The following CSNK1G1 variants were observed in gnomAD, a reference collection of about 807,000 sequenced individuals.
The protein encoded by CSNK1G1 is casein kinase I isoform gamma-1.
Under a neutral mutation model 59.6 loss-of-function variants are expected in CSNK1G1, and 22 were observed. The ratio of observed to expected loss-of-function variants is 0.37; its 90% CI spans 0.26 to 0.53. The LOEUF (loss-of-function observed/expected upper bound fraction) is 0.53, where lower values mean the gene tolerates loss of function less well. Among genes scored for constraint, CSNK1G1 ranks in the 20% least tolerant of loss-of-function variants. CSNK1G1 has a pLI of 0.89. For missense variants in CSNK1G1, 384 were observed against 519.5 expected (o/e 0.74, Z 2.54); for synonymous variants, 179 against 177.1 (o/e 1.01, Z -0.08).
intron 1 of CSNK1G1, among the ~76,000 whole-genome samples, chr15:64,343,808 A>G (rs145421531): frequency 0.011 from 1,668 of 151,138 alleles, 26 homozygotes; most frequent in African/African-American, 0.038. Flanking sequence ...CTATATTACC[A>G]CAGCTCTAGT....
At position 64,300,688 on chromosome 15, in the gene CSNK1G1, T is replaced by C; in HGVS notation, c.-189A>G. The C allele has an allele frequency of 7.9e-7, 1 of 1,270,042 alleles. No individual in the cohort carries two copies. Among genetic ancestry groups the C allele is most frequent in the Non-Finnish European group, 9.9e-7 (1 of 1,007,776 alleles). The allele number at this position is 1,270,042 out of a possible 1,614,324, so 78.7% of individuals were successfully genotyped here. On this transcript the variant is annotated 5_prime_UTR_variant, in exon 2 of 12. Transcript: ENST00000303052. The stretch of plus-strand genomic sequence containing the variant: ...TTATTTGTTCCCGTAGGAAATGTAG[T>C]CACTAGGTCTCAATCTTAGGTGAAC...
At chr15:64,346,517 G>C (rs995340327) in intron 1 of CSNK1G1, among the ~76,000 whole-genome samples, 1 of 151,630 alleles carries the variant, frequency 6.6e-6, no homozygotes, top group African/African-American at 2.4e-5. Context: ...GAGTACAATG[G>C]TGCGATCTCA....
intron 2 of CSNK1G1, among the ~76,000 whole-genome samples, chr15:64,268,076 T>C (rs775725771): frequency 2.6e-5 from 4 of 152,166 alleles, no homozygotes; most frequent in Non-Finnish European, 5.9e-5. Flanking sequence ...ATAGCCAAGA[T>C]ATGAAATCAA....
intron 1 of CSNK1G1, among the ~76,000 whole-genome samples, chr15:64,322,180 A>G (rs1896600055): frequency 6.6e-6 from 1 of 152,056 alleles, no homozygotes; most frequent in Non-Finnish European, 1.5e-5. Flanking sequence ...TCTTATTGTA[A>G]CTTGAATCCT....
At chr15:64,326,251 C>A (rs908570477) in intron 1 of CSNK1G1, among the ~76,000 whole-genome samples, 25 of 152,180 alleles carry the variant, frequency 1.6e-4, no homozygotes, top group Non-Finnish European at 3.7e-4. Flanking sequence ...GTCTCGAACT[C>A]TTGGCCTCAA....
chr15:64,188,511 A>T lies in CSNK1G1; in HGVS notation c.1108-8057T>A. On this transcript the variant is annotated intron_variant, in intron 10 of 11. Coordinates refer to ENST00000303052, the MANE Select transcript of CSNK1G1 (RefSeq NM_022048.5). This position sits in a 1 kb window ranked among gnomAD's most constrained non-coding sequence, Gnocchi z 4.2. ...CTGCTTAGGCGTTAGAAAGCATGAG[A>T]GCAAGATATGGAAGGAAAGGTGAAG... is the stretch of plus-strand genomic sequence containing the variant. The T allele has an allele frequency of 6.7e-7, 1 of 1,492,938 alleles. No individual in the cohort carries two copies. Among genetic ancestry groups the T allele is most frequent in the African/African-American group, 1.4e-5 (1 of 72,270 alleles). The allele number at this position is 1,492,938 out of a possible 1,614,324, so 92.5% of individuals were successfully genotyped here. A position where few individuals can be genotyped will look rare whatever the true frequency, so the allele number is the denominator to read the frequency against.
Position 64,167,097 on chromosome 15 carries a change from TACTC to T in CSNK1G1, c.*4830_*4833del, listed in dbSNP as rs780623629. ...ACCACTGTGTATTATCCAGGGAACC[TACTC>T]ACTATTTTGAATACAATGAGAAAAC... On this transcript the variant is annotated 3_prime_UTR_variant, in exon 12 of 12. Transcript: ENST00000303052. 11 of 152,236 alleles carry T rather than the reference TACTC, an allele frequency of 7.2e-5. No homozygotes were observed. Among genetic ancestry groups the T allele is most frequent in the Non-Finnish European group, 1.3e-4 (9 of 68,026 alleles). The allele number at this position is 152,236 out of a possible 1,614,324, so 9.4% of individuals were successfully genotyped here.
chr15:64,305,831 C>T (rs1895659842), intron 1 of CSNK1G1, among the ~76,000 whole-genome samples: 1 of 146,598 alleles, frequency 6.8e-6, no homozygotes, highest in African/African-American at 2.5e-5. Context: ...GAAATAGATT[C>T]ACACAAATAT....
chr15:64,253,042 T>C (rs1167447255), intron 3 of CSNK1G1, among the ~76,000 whole-genome samples: 7 of 151,934 alleles, frequency 4.6e-5, no homozygotes, highest in Non-Finnish European at 8.8e-5. Context: ...ACCTCATCTT[T>C]ACAAATAAAT....
chr15:64,314,300 A>G (rs1279902018), intron 1 of CSNK1G1, among the ~76,000 whole-genome samples: 1 of 152,114 alleles, frequency 6.6e-6, no homozygotes, highest in African/African-American at 2.4e-5. Flanking sequence ...TTTTAGATAG[A>G]GGGGTGGGAA....
At chr15:64,254,511 C>T (rs933157354) in intron 3 of CSNK1G1, among the ~76,000 whole-genome samples, 1 of 151,962 alleles carries the variant, frequency 6.6e-6, no homozygotes, top group Non-Finnish European at 1.5e-5. Context: ...ACCACCACAC[C>T]TGGCTAATTT....
intron 1 of CSNK1G1, among the ~76,000 whole-genome samples, chr15:64,322,923 C>T (rs1020644468): frequency 6.6e-6 from 1 of 151,480 alleles, no homozygotes; most frequent in Non-Finnish European, 1.5e-5. Flanking sequence ...TTACATTCCT[C>T]GTTTTGTTTT....
intron 4 of CSNK1G1, among the ~76,000 whole-genome samples, chr15:64,248,018 T>G (rs1417965981): frequency 6.6e-6 from 1 of 152,240 alleles, no homozygotes; most frequent in Non-Finnish European, 1.5e-5. Flanking sequence ...TAATGAACAA[T>G]GACAGACAAA....
rs755697593 is a variant in CSNK1G1, at chr15:64,210,086, G to A, written c.680-2492C>T. ...AGAACTATAGAATATGGGACAATAGGAAAAATAAGGGTTCCTAAATCAGGA... is the reference window on the plus strand; with the variant it reads ...AGAACTATAGAATATGGGACAATAGAAAAAATAAGGGTTCCTAAATCAGGA... On this transcript the variant is annotated intron_variant, in intron 6 of 11. Coordinates refer to ENST00000303052, the MANE Select transcript of CSNK1G1 (RefSeq NM_022048.5). The surrounding 1 kb of genome is among the most constrained non-coding windows in gnomAD (Gnocchi z 4.2). 4.5e-4 allele frequency among the ~76,000 whole-genome samples: 69 copies of A among 152,012 alleles called. No homozygotes were observed. Among genetic ancestry groups the A allele is most frequent in the Non-Finnish European group, 8.7e-4 (59 of 67,986 alleles).
chr15:64,204,537 T>G lies in CSNK1G1; in HGVS notation c.903A>C (p.Lys301Asn). The G allele has an allele frequency of 1.2e-6, 2 of 1,613,702 alleles. No homozygotes were observed. Among genetic ancestry groups the G allele is most frequent in the South Asian group, 1.1e-5 (1 of 91,056 alleles). The change falls in exon 9 of 12, where the codon AAA (lysine) becomes AAC (asparagine). Residue 301 changes from lysine to asparagine, a missense_variant. Lys to Asn is a moderately conservative substitution (Grantham distance 94). Around this residue, in one of 3 missense-constraint regions of CSNK1G1, gnomAD observed 325 missense variants for 440.9 expected, o/e 0.74. Transcript: ENST00000303052. Reference protein sequence around the residue: ...RYVRRLDFFEKPDYEYLRTLF... With the variant: ...RYVRRLDFFENPDYEYLRTLF... ...GGGTCCGTAAATACTCATAATCAGG[T>G]TTTTCAAAGAAGTCCAGTCGCCTGA...
chr15:64,351,860 C>T (rs938110958), intron 1 of CSNK1G1, among the ~76,000 whole-genome samples: 8 of 152,062 alleles, frequency 5.3e-5, no homozygotes, highest in Non-Finnish European at 8.8e-5. Flanking sequence ...GTAACAGAAA[C>T]TCCGTCTCAA....
At chr15:64,342,293 T>C (rs1375062857) in intron 1 of CSNK1G1, among the ~76,000 whole-genome samples, 1 of 152,216 alleles carries the variant, frequency 6.6e-6, no homozygotes, top group African/African-American at 2.4e-5. Context: ...TCTGTAAAAC[T>C]GGAATAGCCA....
rs750287681 is a variant in CSNK1G1, at chr15:64,166,035, A to G, written c.*5896T>C. The G allele has an allele frequency of 8.8e-6, 6 of 680,874 alleles. No individual in the cohort carries two copies. The highest frequency in any genetic ancestry group is 1.3e-5 in the Non-Finnish European group (5 of 376,530). 42.2% of individuals were successfully genotyped at this position (680,874 alleles called of 1,614,324 possible). On this transcript the variant is annotated 3_prime_UTR_variant, in exon 12 of 12. Transcript: ENST00000303052. This position sits in a 1 kb window ranked among gnomAD's most constrained non-coding sequence, Gnocchi z 4.5. The stretch of plus-strand genomic sequence containing the variant: ...AAAATACTACAAATTTCATTTTCAC[A>G]GCTGAGCTTTGTGACCAGTGCCAGG...
chr15:64,210,285 G>A lies in CSNK1G1; in HGVS notation c.680-2691C>T, dbSNP rs1371642748. ...CTGAAAATAAAGTGTTCAATCTGGGGAGAATTTGAAAAGTCATTTTCCAGC... is the reference window on the plus strand; with the variant it reads ...CTGAAAATAAAGTGTTCAATCTGGGAAGAATTTGAAAAGTCATTTTCCAGC... On this transcript the variant is annotated intron_variant, in intron 6 of 11. Coordinates refer to ENST00000303052, the MANE Select transcript of CSNK1G1 (RefSeq NM_022048.5). This position sits in a 1 kb window ranked among gnomAD's most constrained non-coding sequence, Gnocchi z 4.2. Among the ~76,000 whole-genome samples the A allele has an allele frequency of 1.3e-5, 2 of 152,078 alleles. No individual in the cohort carries two copies. The highest frequency in any genetic ancestry group is 4.8e-5 in the African/African-American group (2 of 41,410).
Sources: allele counts gnomAD v4.1 joint callset (sites outside exome capture counted in the v4.1 genomes callset), GRCh38; gene constraint gnomAD v4.1.1; regional missense constraint gnomAD v4.1.1; non-coding constraint Gnocchi (gnomAD v3.1); transcripts MANE v1.5; gene names NCBI Gene and HGNC (gene_info 2026-07-23, HGNC 2026-07-21).